Variants in SIRT7 observed in about 807,000 individuals in gnomAD.
SIRT7 encodes NAD-dependent protein deacetylase sirtuin-7.
SIRT7 carries 32 observed loss-of-function variants against 42.8 expected under a neutral mutation model. That is an observed-to-expected ratio of 0.75 (90% CI 0.56 to 1.00). SIRT7 has a LOEUF of 1.00. Ranked by LOEUF, SIRT7 falls within the 50% of genes least tolerant of loss-of-function variation. The pLI, the probability that SIRT7 is intolerant of heterozygous loss-of-function variation, is 0.00. For synonymous variants in SIRT7, 297 were observed against 245.2 expected (o/e 1.21, Z -1.97); for missense variants, 553 against 572.2 (o/e 0.97, Z 0.34).
In SIRT7 at chr17:81,917,857, G is replaced by A. The variant is rs754022926; in HGVS notation, c.204C>T (p.Arg68=). Residue 68 remains arginine, a synonymous_variant, in exon 2 of 10, where the codon CGC becomes CGT. Transcript: ENST00000328666. The stretch of plus-strand genomic sequence containing the variant: ...CCTCCTGCCGCCGCTTCAGGCCCTC[G>A]CGCCGCCGGCTCCGGCCCTGCAGCT... ...VTELQGRSRR[R]EGLKRRQEEV... 4 of 1,437,500 alleles carry A rather than the reference G, an allele frequency of 2.8e-6. No individual in the cohort carries two copies. In the South Asian group the frequency reaches 5.5e-5, roughly 20 times the overall value. The allele number at this position is 1,437,500 out of a possible 1,614,324, so 89.0% of individuals were successfully genotyped here. A position where few individuals can be genotyped will look rare whatever the true frequency, so the allele number is the denominator to read the frequency against.
Position 81,918,164 on chromosome 17 carries a change from CCT to C in SIRT7, c.-35_-34del. The C allele has an allele frequency of 7.2e-6, 11 of 1,530,270 alleles. No individual in the cohort carries two copies. Among genetic ancestry groups the C allele is most frequent in the Non-Finnish European group, 9.6e-6 (11 of 1,149,072 alleles). 94.8% of individuals were successfully genotyped at this position (1,530,270 alleles called of 1,614,324 possible). A position where few individuals can be genotyped will look rare whatever the true frequency, so the allele number is the denominator to read the frequency against. ...CTGGAGACCTGCTCTTCCGCTTCCGCCTCACACGGCAGGCCGCGCTCAGGGCG... is the reference window on the plus strand; with the variant it reads ...CTGGAGACCTGCTCTTCCGCTTCCGCCACACGGCAGGCCGCGCTCAGGGCG... On this transcript the variant is annotated 5_prime_UTR_variant, in exon 1 of 10. Coordinates refer to ENST00000328666, the MANE Select transcript of SIRT7 (RefSeq NM_016538.3).
At chr17:81,914,036 G>GT (rs1359830828) in intron 8 of SIRT7, 51 bp downstream of exon 8, 3 of 1,603,904 alleles carry the variant, frequency 1.9e-6, no homozygotes, top group Non-Finnish European at 2.6e-6. Context: ...GTCTCTGGCT[G>GT]TGCGTTCTAA....
In SIRT7 at chr17:81,917,716, A is replaced by ACACCTGCCAAGACGCCAGGGTGGT. The variant is rs2040832285; in HGVS notation, c.232-21_234dup (p.Val78_Cys79insThrThrLeuAlaSerTrpGlnVal). On this transcript the variant is annotated inframe_insertion, in exon 3 of 10. Coordinates refer to ENST00000328666, the MANE Select transcript of SIRT7 (RefSeq NM_016538.3). The stretch of plus-strand genomic sequence containing the variant: ...CCCCGCAGCTCCTCCGGGTCGTCGC[A>ACACCTGCCAAGACGCCAGGGTGGT]CACCTGCCAAGACGCCAGGGTGGTC... The ACACCTGCCAAGACGCCAGGGTGGT allele has an allele frequency of 6.3e-7, 1 of 1,591,132 alleles. No homozygotes were observed. The highest frequency in any genetic ancestry group is 8.5e-7 in the Non-Finnish European group (1 of 1,170,756).
chr17:81,914,026 G>A, intron 8 of SIRT7, 61 bp downstream of exon 8: 1 of 1,597,986 alleles, frequency 6.3e-7, no homozygotes, highest in Non-Finnish European at 8.6e-7. Flanking sequence ...GGTGTGGGGT[G>A]TCTCTGGCTG....
rs756369194 is a variant in SIRT7, at chr17:81,917,671, T to C, written c.280A>G (p.Ser94Gly). 6.2e-7 allele frequency: 1 copy of C among 1,607,804 alleles called. No homozygotes were observed. The highest frequency in any genetic ancestry group is 1.1e-5 in the South Asian group (1 of 90,018). Reference sequence around the variant, plus strand: ...AAGTATTTGGCGTTCCGGACGGCGCTGGCCAGCTCCCGGACCTTCCCCCGC... The same window carrying C: ...AAGTATTTGGCGTTCCGGACGGCGCCGGCCAGCTCCCGGACCTTCCCCCGC... Reference protein sequence around the residue: ...ELRGKVRELASAVRNAKYLVV... With the variant: ...ELRGKVRELAGAVRNAKYLVV... Residue 94 changes from serine to glycine, a missense_variant, in exon 3 of 10, where the codon AGC becomes GGC. Physicochemically the swap from Ser to Gly is moderately conservative, Grantham distance 56. Coordinates refer to ENST00000328666, the MANE Select transcript of SIRT7 (RefSeq NM_016538.3).
Position 81,917,371 on chromosome 17 carries a change from T to C in SIRT7, c.336+244A>G, listed in dbSNP as rs945646869. On this transcript the variant is annotated intron_variant, in intron 3 of 9. Coordinates refer to ENST00000328666, the MANE Select transcript of SIRT7 (RefSeq NM_016538.3). ...AATCACAACTTTGGGCTTAGCTCTG[T>C]CCACATAACCTGGGGGTGCCTGCGA... 7.1e-5 allele frequency: 29 copies of C among 408,368 alleles called. 1 individual carries two copies. The highest frequency in any genetic ancestry group is 5.6e-4 in the African/African-American group (27 of 48,500). 25.3% of individuals were successfully genotyped at this position (408,368 alleles called of 1,614,324 possible).
intron 3 of SIRT7, chr17:81,916,169 T>C (rs1473220043): frequency 1.2e-5 from 2 of 168,786 alleles, no homozygotes; most frequent in African/African-American, 4.7e-5. Flanking sequence ...CTTCTTCAGA[T>C]GAGATGAGCA....
intron 9 of SIRT7, chr17:81,912,853 C>G (rs747345725): frequency 3.4e-6 from 2 of 587,648 alleles, no homozygotes; most frequent in Non-Finnish European, 6.1e-6. Flanking sequence ...TCGGTCTCCT[C>G]AAAACTCCGT....
Position 81,913,278 on chromosome 17 carries a change from T to A in SIRT7, c.1004+496A>T. Reference sequence around the variant, plus strand: ...CCCTTTGATTAAAAGAAGTTATTGATTTCCCCTATAAGACCCTGAAAATTC... The same window carrying A: ...CCCTTTGATTAAAAGAAGTTATTGAATTCCCCTATAAGACCCTGAAAATTC... On this transcript the variant is annotated intron_variant, in intron 9 of 9. Coordinates refer to ENST00000328666, the MANE Select transcript of SIRT7 (RefSeq NM_016538.3). This position sits in a 1 kb window ranked among gnomAD's most constrained non-coding sequence, Gnocchi z 5.0. The A allele has an allele frequency of 2.2e-6, 1 of 456,206 alleles. No homozygotes were observed. Among genetic ancestry groups the A allele is most frequent in the Non-Finnish European group, 4.4e-6 (1 of 227,118 alleles). 28.3% of individuals were successfully genotyped at this position (456,206 alleles called of 1,614,324 possible).
chr17:81,917,913 G>A lies in SIRT7; in HGVS notation c.148C>T (p.Leu50=), dbSNP rs929196986. ...ACCAGGTCCGCGCTCTCGGCCAGCA[G>A]CCGGCCCTCCTCGGCGCTGCGCTCC... ...AAERSAEEGR[L]LAESADLVTE... is the part of the protein sequence containing the mutation. The change falls in exon 2 of 10, where the codon CTG becomes TTG. Residue 50 remains leucine, a synonymous_variant. Coordinates refer to ENST00000328666, the MANE Select transcript of SIRT7 (RefSeq NM_016538.3). 2 of 1,419,100 alleles carry A rather than the reference G, an allele frequency of 1.4e-6. No individual in the cohort carries two copies. Among genetic ancestry groups the A allele is most frequent in the Non-Finnish European group, 1.8e-6 (2 of 1,087,818 alleles). 87.9% of individuals were successfully genotyped at this position (1,419,100 alleles called of 1,614,324 possible).
At chr17:81,912,879 T>G in intron 9 of SIRT7, 1 of 535,694 alleles carries the variant, frequency 1.9e-6, no homozygotes, top group East Asian at 3.4e-5. Context: ...TGTCCACCAC[T>G]GAGCGGCGTG....
Position 81,912,029 on chromosome 17 carries a change from G to A in SIRT7, c.*387C>T, listed in dbSNP as rs982256905. The A allele has an allele frequency of 1.9e-5, 6 of 320,164 alleles. No homozygotes were observed. The highest frequency in any genetic ancestry group is 3.0e-5 in the Non-Finnish European group (5 of 168,292). The allele number at this position is 320,164 out of a possible 1,614,324, so 19.8% of individuals were successfully genotyped here. On this transcript the variant is annotated 3_prime_UTR_variant, in exon 10 of 10. Transcript: ENST00000328666. ...TCTGCCGCACATCCAGTACAGAGAG[G>A]ATTCTATAAAGTTCACACTTTTTCA...
Position 81,912,336 on chromosome 17 carries a change from T to C in SIRT7, c.*80A>G. 1.3e-6 allele frequency: 2 copies of C among 1,556,108 alleles called. No homozygotes were observed. Among genetic ancestry groups the C allele is most frequent in the Admixed American group, 3.3e-5 (2 of 59,948 alleles). ...TCATCCCCAAAGAGTTCGTTCTCCC[T>C]AGACCCGTGGGGGCAACCCAGCCTT... On this transcript the variant is annotated 3_prime_UTR_variant, in exon 10 of 10. Transcript: ENST00000328666.
chr17:81,915,121 A>G (rs1377150234), intron 5 of SIRT7: 1 of 511,202 alleles, frequency 2.0e-6, no homozygotes, highest in African/African-American at 1.9e-5. Context: ...AGGTCCCCAG[A>G]GATGTCCTAT....
rs1016793815 is a variant in SIRT7 at position 81,913,109 on chromosome 17, A to G, written c.1005-495T>C. ...AGAACCACAGATCATAACTTAAGAT[A>G]CAGATACGCACTGATAAGGAAAATG... On this transcript the variant is annotated intron_variant, in intron 9 of 9. Coordinates refer to ENST00000328666, the MANE Select transcript of SIRT7 (RefSeq NM_016538.3). The surrounding 1 kb of genome is among the most constrained non-coding windows in gnomAD (Gnocchi z 5.0). The G allele has an allele frequency of 1.7e-5, 6 of 356,012 alleles. No homozygotes were observed. Among genetic ancestry groups the G allele is most frequent in the Admixed American group, 1.6e-4 (4 of 24,688 alleles). The allele number at this position is 356,012 out of a possible 1,614,324, so 22.1% of individuals were successfully genotyped here. A position where few individuals can be genotyped will look rare whatever the true frequency, so the allele number is the denominator to read the frequency against.
Position 81,912,310 on chromosome 17 carries a change from G to A in SIRT7, c.*106C>T. On this transcript the variant is annotated 3_prime_UTR_variant, in exon 10 of 10. Transcript: ENST00000328666. Reference sequence around the variant, plus strand: ...TGGCTAAAAATGTCACGGTGAAAATGTCATCCCCAAAGAGTTCGTTCTCCC... The same window carrying A: ...TGGCTAAAAATGTCACGGTGAAAATATCATCCCCAAAGAGTTCGTTCTCCC... The A allele has an allele frequency of 7.2e-7, 1 of 1,384,986 alleles. No homozygotes were observed. Among genetic ancestry groups the A allele is most frequent in the Non-Finnish European group, 1.0e-6 (1 of 977,118 alleles). The allele number at this position is 1,384,986 out of a possible 1,614,324, so 85.8% of individuals were successfully genotyped here. A position where few individuals can be genotyped will look rare whatever the true frequency, so the allele number is the denominator to read the frequency against.
intron 3 of SIRT7, 185 bp from the exon 4 acceptor site, chr17:81,915,866 C>T (rs2040787989): frequency 4.6e-6 from 3 of 649,894 alleles, no homozygotes; most frequent in East Asian, 5.7e-5. Flanking sequence ...TTCGGCTCCT[C>T]CCTTCTACCT....
Position 81,913,811 on chromosome 17 carries a change from T to C in SIRT7, c.967A>G (p.Met323Val). Residue 323 changes from methionine (M) to valine (V), a missense_variant, in exon 9 of 10, where the codon ATG becomes GTG. Transcript: ENST00000328666. The surrounding 1 kb of genome is among the most constrained non-coding windows in gnomAD (Gnocchi z 5.0). ...GGGATCTCCAAGCCCAGCTCGGCCA[T>C]GAGGAGCCGCATGACGTCATCACAC... is the stretch of plus-strand genomic sequence containing the variant. ...GKCDDVMRLL[M>V]AELGLEIPAY... The C allele has an allele frequency of 6.5e-7, 1 of 1,549,234 alleles. No homozygotes were observed. The highest frequency in any genetic ancestry group is 8.7e-7 in the Non-Finnish European group (1 of 1,147,136).
rs2040839036 is a variant in SIRT7, at chr17:81,917,985, G to A, written c.94-18C>T. ...CGCGACACCTGCGGGCAGGCGGACG[G>A]TGAGCGGCGGCGCGGGCCGGGCATG... On this transcript the variant is annotated intron_variant, in intron 1 of 9. Coordinates refer to ENST00000328666, the MANE Select transcript of SIRT7 (RefSeq NM_016538.3). 1 of 1,335,644 alleles carries A rather than the reference G, an allele frequency of 7.5e-7. No homozygotes were observed. Among genetic ancestry groups the A allele is most frequent in the Non-Finnish European group, 9.5e-7 (1 of 1,052,474 alleles). The allele number at this position is 1,335,644 out of a possible 1,614,324, so 82.7% of individuals were successfully genotyped here.
Sources: gnomAD v4.1 joint callset for allele counts on GRCh38, gnomAD v4.1.1 for gene constraint, Gnocchi (gnomAD v3.1) non-coding constraint, MANE v1.5 for transcripts, NCBI Gene and HGNC (gene_info 2026-07-23, HGNC 2026-07-21) for gene names.